PDE3A: variants seen among roughly 807,000 people sequenced by gnomAD.
The protein encoded by PDE3A is phosphodiesterase 3A.
PDE3A carries 43 observed loss-of-function variants against 98.3 expected under a neutral mutation model. The observed-to-expected ratio is 0.44, with a 90% CI of 0.34 to 0.56. The LOEUF (loss-of-function observed/expected upper bound fraction) is 0.56. Among genes scored for constraint, PDE3A ranks in the 20% least tolerant of loss-of-function variants. The pLI, the probability that PDE3A is intolerant of heterozygous loss-of-function variation, is 0.01. For synonymous variants in PDE3A, 663 were observed against 567.9 expected, an observed-to-expected ratio of 1.17 and a Z score of -2.38; for missense variants, 1,427 against 1,440.7, an observed-to-expected ratio of 0.99 and a Z score of 0.15.
intron 1 of PDE3A, among the ~76,000 whole-genome samples, chr12:20,446,802 T>C (rs1183277834): frequency 1.3e-5 from 2 of 152,180 alleles, no homozygotes; most frequent in African/African-American, 4.8e-5. Context: ...TTATCTTATA[T>C]TGGTTGATCA....
intron 2 of PDE3A, among the ~76,000 whole-genome samples, chr12:20,586,742 C>T (rs193296378): frequency 3.5e-4 from 53 of 152,244 alleles, no homozygotes; most frequent in African/African-American, 9.4e-4. Context: ...TTAGGAAAGA[C>T]GAAGGCTTAG....
intron 1 of PDE3A, among the ~76,000 whole-genome samples, chr12:20,494,898 G>A (rs931001425): frequency 6.7e-6 from 1 of 149,118 alleles, no homozygotes; most frequent in Non-Finnish European, 1.5e-5. Flanking sequence ...TACATAAATA[G>A]AAGCCCTATG....
chr12:20,681,724 T>C lies in PDE3A; in HGVS notation c.*1453T>C, dbSNP rs976611934. ...ATTGGGTTATTATTGAAAGTCTTTT[T>C]TTTTGTTTGTTTTGTTTTGGTTTGT... On this transcript the variant is annotated 3_prime_UTR_variant, in exon 16 of 16. Coordinates refer to ENST00000359062, the MANE Select transcript of PDE3A (RefSeq NM_000921.5). The C allele has an allele frequency of 3.0e-4, 46 of 152,114 alleles. No individual in the cohort carries two copies. The highest frequency in any genetic ancestry group is 1.1e-3 in the African/African-American group (44 of 41,434). 9.4% of individuals were successfully genotyped at this position (152,114 alleles called of 1,614,324 possible).
rs1386129396 is a variant in PDE3A, at chr12:20,684,072, TATAA to T, written c.*3807_*3810del. 13 of 152,146 alleles carry T rather than the reference TATAA, an allele frequency of 8.5e-5. No homozygotes were observed. The highest frequency in any genetic ancestry group is 2.4e-4 in the African/African-American group (10 of 41,456). The allele number at this position is 152,146 out of a possible 1,614,324, so 9.4% of individuals were successfully genotyped here. ...GTAATAAAAGTATAAAAATTATCAT[TATAA>T]ATAAAGTCTAAAGTTTGAAATTATT... On this transcript the variant is annotated 3_prime_UTR_variant, in exon 16 of 16. Coordinates refer to ENST00000359062, the MANE Select transcript of PDE3A (RefSeq NM_000921.5).
intron 1 of PDE3A, among the ~76,000 whole-genome samples, chr12:20,384,822 G>T (rs956447284): frequency 2.6e-5 from 4 of 152,002 alleles, no homozygotes; most frequent in Non-Finnish European, 5.9e-5. Context: ...AAGAATAATG[G>T]CTTCCAGCTC....
chr12:20,441,787 C>T (rs1233899979), intron 1 of PDE3A, among the ~76,000 whole-genome samples: 1 of 152,164 alleles, frequency 6.6e-6, no homozygotes, highest in East Asian at 1.9e-4. Flanking sequence ...CCATCCCTCT[C>T]TTCAACCCTG....
chr12:20,552,106 G>A lies in PDE3A; in HGVS notation c.961-4554G>A, dbSNP rs1238131084. 9 of 1,612,964 alleles carry A rather than the reference G, an allele frequency of 5.6e-6. No homozygotes were observed. Among genetic ancestry groups the A allele is most frequent in the African/African-American group, 1.3e-5 (1 of 74,898 alleles). ...AGAGCTTTCCGGCAACAAGAGGACC[G>A]CGGAACAGTCTTGTGATCAGAAACT... is the stretch of plus-strand genomic sequence containing the variant. On this transcript the variant is annotated intron_variant, in intron 1 of 15. Coordinates refer to ENST00000359062, the MANE Select transcript of PDE3A (RefSeq NM_000921.5). This position sits in a 1 kb window ranked among gnomAD's most constrained non-coding sequence, Gnocchi z 5.1.
chr12:20,675,356 T>G (rs1158014697), intron 15 of PDE3A, among the ~76,000 whole-genome samples: 1 of 152,202 alleles, frequency 6.6e-6, no homozygotes, highest in African/African-American at 2.4e-5. Context: ...TGGAGAATAG[T>G]TCCATGTGCT....
At chr12:20,452,395 A>G (rs1945080708) in intron 1 of PDE3A, among the ~76,000 whole-genome samples, 1 of 152,188 alleles carries the variant, frequency 6.6e-6, no homozygotes, top group Non-Finnish European at 1.5e-5. Flanking sequence ...AGTCATCTTC[A>G]ATATCTCTCT....
At chr12:20,512,573 T>C (rs1474833766) in intron 1 of PDE3A, among the ~76,000 whole-genome samples, 1 of 152,014 alleles carries the variant, frequency 6.6e-6, no homozygotes, top group African/African-American at 2.4e-5. Flanking sequence ...GTTTAGGAAA[T>C]TTCACCTCCC....
intron 2 of PDE3A, among the ~76,000 whole-genome samples, chr12:20,565,349 C>T (rs190500383): frequency 6.6e-6 from 1 of 152,066 alleles, no homozygotes; most frequent in Admixed American, 6.5e-5. Context: ...GATTTTATAC[C>T]ATCAGCAGCA....
At chr12:20,607,515 C>A (rs893991291) in intron 2 of PDE3A, among the ~76,000 whole-genome samples, 1 of 151,546 alleles carries the variant, frequency 6.6e-6, no homozygotes, top group Non-Finnish European at 1.5e-5. Context: ...TTATTTTTGG[C>A]TTGATATATA....
At chr12:20,449,814 TC>T in intron 1 of PDE3A, 1 of 537,188 alleles carries the variant, frequency 1.9e-6, no homozygotes, top group South Asian at 3.8e-5. Flanking sequence ...GTTGCTGGCT[TC>T]CAGTTTTCAG....
chr12:20,612,940 T>A (rs2121451900), intron 2 of PDE3A, among the ~76,000 whole-genome samples: 2 of 152,046 alleles, frequency 1.3e-5, no homozygotes, highest in Non-Finnish European at 2.9e-5. Context: ...AAATGGAGTT[T>A]TTTTGTGTCT....
intron 2 of PDE3A, among the ~76,000 whole-genome samples, chr12:20,583,709 G>A (rs1289181323): frequency 6.6e-6 from 1 of 152,130 alleles, no homozygotes; most frequent in African/African-American, 2.4e-5. Flanking sequence ...CCTGGTATAA[G>A]ATAAACCTTC....
At chr12:20,533,949 G>A (rs370539201) in intron 1 of PDE3A, among the ~76,000 whole-genome samples, 2 of 151,718 alleles carry the variant, frequency 1.3e-5, no homozygotes, top group African/African-American at 2.4e-5. Context: ...CAGGTCATCC[G>A]TGCGCCCGTC....
At chr12:20,537,072 T>G (rs1171513380) in intron 1 of PDE3A, among the ~76,000 whole-genome samples, 1 of 152,104 alleles carries the variant, frequency 6.6e-6, no homozygotes, top group Non-Finnish European at 1.5e-5. Flanking sequence ...ATGTGTGTGT[T>G]TTAAAAATGG....
At position 20,648,789 on chromosome 12, in the gene PDE3A, T is replaced by C; in HGVS notation, c.2667T>C (p.Leu889=). 1 of 1,613,308 alleles carries C rather than the reference T, an allele frequency of 6.2e-7. No homozygotes were observed. The change falls in exon 13 of 16, where the codon CTT becomes CTC. Residue 889 remains leucine (L), a synonymous_variant. Coordinates refer to ENST00000359062, the MANE Select transcript of PDE3A (RefSeq NM_000921.5). ...SRPEYNFLIN[L]DHVEFKHFRF... is the part of the protein sequence containing the mutation. The stretch of plus-strand genomic sequence containing the variant: ...CAGAGTATAACTTCTTAATTAACCT[T>C]GACCATGTGGAATTTAAGCATTTCC...
At chr12:20,669,368 A>T (rs372838293) in intron 15 of PDE3A, among the ~76,000 whole-genome samples, 1 of 151,810 alleles carries the variant, frequency 6.6e-6, no homozygotes, top group South Asian at 2.1e-4. Context: ...GATACTCCTC[A>T]AGAAGAGCAA....
Sources: allele counts gnomAD v4.1 joint callset (sites outside exome capture counted in the v4.1 genomes callset), GRCh38; gene constraint gnomAD v4.1.1; non-coding constraint Gnocchi (gnomAD v3.1); transcripts MANE v1.5; gene names NCBI Gene and HGNC (gene_info 2026-07-23, HGNC 2026-07-21).